Variants in CTNND2 observed in about 807,000 individuals in gnomAD.
CTNND2 encodes catenin delta-2.
A neutral mutation model predicts 144.4 loss-of-function variants in CTNND2; 22 were observed. The observed-to-expected ratio is 0.15, with a 90% CI of 0.11 to 0.22. The LOEUF (loss-of-function observed/expected upper bound fraction) is 0.22. Among genes scored for constraint, CTNND2 ranks in the 10% least tolerant of loss-of-function variants. CTNND2 has a pLI of 1.00. For synonymous variants in CTNND2, 751 were observed against 695.6 expected, an observed-to-expected ratio of 1.08 and a Z score of -1.25; for missense variants, 1,353 against 1,618.8, an observed-to-expected ratio of 0.84 and a Z score of 2.82.
chr5:11,788,294 ACAG>A (rs1268426253), intron 1 of CTNND2, among the ~76,000 whole-genome samples: 65 of 25,412 alleles, frequency 2.6e-3, no homozygotes, highest in African/African-American at 3.0e-3. Context: ...CTTGCACAAG[ACAG>A]TGTGCTAAGG....
At chr5:11,268,681 G>C (rs1745700802) in intron 9 of CTNND2, among the ~76,000 whole-genome samples, 2 of 152,058 alleles carry the variant, frequency 1.3e-5, no homozygotes, top group South Asian at 2.1e-4. Flanking sequence ...TGGTGTAATG[G>C]ATTAAAAAAT....
chr5:11,042,836 T>G (rs1300190639), intron 16 of CTNND2, among the ~76,000 whole-genome samples: 3 of 152,160 alleles, frequency 2.0e-5, no homozygotes, highest in Admixed American at 6.5e-5. Flanking sequence ...TTCATCTCTT[T>G]TCCTAACACA....
chr5:11,134,422 G>C, intron 12 of CTNND2, among the ~76,000 whole-genome samples: 1 of 152,178 alleles, frequency 6.6e-6, no homozygotes, highest in East Asian at 1.9e-4. Flanking sequence ...CAAGACCCCT[G>C]CATTTCTAGA....
At chr5:11,128,223 G>C (rs181861643) in intron 12 of CTNND2, among the ~76,000 whole-genome samples, 12 of 152,062 alleles carry the variant, frequency 7.9e-5, no homozygotes, top group African/African-American at 2.4e-4. Context: ...TTCAACATAT[G>C]GGGTAGCCAC....
At chr5:11,429,374 T>A (rs906036494) in intron 3 of CTNND2, among the ~76,000 whole-genome samples, 3 of 152,166 alleles carry the variant, frequency 2.0e-5, no homozygotes, top group Non-Finnish European at 4.4e-5. Context: ...AAAAGATAAA[T>A]CAGAACTCAT....
At chr5:11,219,676 T>C (rs1348797713) in intron 10 of CTNND2, among the ~76,000 whole-genome samples, 2 of 152,000 alleles carry the variant, frequency 1.3e-5, no homozygotes, top group Non-Finnish European at 2.9e-5. Context: ...GATGTTAGAG[T>C]CAGAGGTCAG....
At chr5:11,570,642 TTTC>T (rs1777487240) in intron 2 of CTNND2, among the ~76,000 whole-genome samples, 1 of 151,852 alleles carries the variant, frequency 6.6e-6, no homozygotes, top group Admixed American at 6.6e-5. Flanking sequence ...TCTTTTCTTT[TTTC>T]TTTTTTTTTT....
intron 2 of CTNND2, among the ~76,000 whole-genome samples, chr5:11,575,924 A>G (rs141149691): frequency 2.0e-5 from 3 of 152,134 alleles, no homozygotes; most frequent in Non-Finnish European, 4.4e-5. Flanking sequence ...GTGTTTATCC[A>G]CTGACATTCA....
At chr5:10,984,540 T>C (rs1012045395) in intron 20 of CTNND2, among the ~76,000 whole-genome samples, 11 of 152,206 alleles carry the variant, frequency 7.2e-5, no homozygotes, top group Non-Finnish European at 1.5e-4. Context: ...GCACAGTTTG[T>C]GGCTTCTGAG....
At chr5:11,142,139 C>G (rs1283319338) in intron 12 of CTNND2, among the ~76,000 whole-genome samples, 2 of 152,122 alleles carry the variant, frequency 1.3e-5, no homozygotes, top group African/African-American at 2.4e-5. Flanking sequence ...ATAAATTACC[C>G]AGACTGTGGT....
chr5:10,983,926 G>A (rs888594430), intron 20 of CTNND2, among the ~76,000 whole-genome samples: 10 of 151,994 alleles, frequency 6.6e-5, no homozygotes, highest in Admixed American at 2.0e-4. Flanking sequence ...CAGCTTTGCC[G>A]ACCCTCCTTC....
chr5:11,263,823 C>T (rs1745164506), intron 9 of CTNND2, among the ~76,000 whole-genome samples: 1 of 152,194 alleles, frequency 6.6e-6, no homozygotes. Context: ...TCTAAACACA[C>T]TCCAGTTTGT....
At chr5:11,162,080 TGG>T (rs149067296) in intron 11 of CTNND2, among the ~76,000 whole-genome samples, 5 of 147,116 alleles carry the variant, frequency 3.4e-5, no homozygotes, top group South Asian at 2.2e-4. Flanking sequence ...AACCTGGGAG[TGG>T]GGGGGGGTTG....
intron 15 of CTNND2, among the ~76,000 whole-genome samples, chr5:11,084,752 T>C (rs1371917347): frequency 6.6e-6 from 1 of 152,134 alleles, no homozygotes; most frequent in Non-Finnish European, 1.5e-5. Context: ...AGATCTCTTC[T>C]AATTCTTGAA....
chr5:11,348,623 T>C (rs1755039111), intron 8 of CTNND2, among the ~76,000 whole-genome samples: 1 of 151,960 alleles, frequency 6.6e-6, no homozygotes, highest in Non-Finnish European at 1.5e-5. Context: ...ATGATTAAAG[T>C]GTCAGAGATC....
intron 7 of CTNND2, among the ~76,000 whole-genome samples, chr5:11,369,610 G>T (rs1007675885): frequency 4.6e-5 from 7 of 152,224 alleles, no homozygotes; most frequent in Non-Finnish European, 1.0e-4. Context: ...TTCAACAAGT[G>T]CCTGGGAACC....
chr5:11,019,034 T>A (rs974687481), intron 17 of CTNND2, among the ~76,000 whole-genome samples: 4 of 152,092 alleles, frequency 2.6e-5, no homozygotes, highest in African/African-American at 9.7e-5. Context: ...GATGGCTTGG[T>A]GAGGTAAAAA....
At chr5:11,303,097 T>C (rs1749785075) in intron 9 of CTNND2, among the ~76,000 whole-genome samples, 1 of 152,206 alleles carries the variant, frequency 6.6e-6, no homozygotes, top group East Asian at 1.9e-4. Context: ...ACTGTGAACA[T>C]AATCAAGCCA....
chr5:11,430,202 C>T (rs113225701), intron 3 of CTNND2, among the ~76,000 whole-genome samples: 7,079 of 139,842 alleles, frequency 0.051, 585 homozygotes, highest in African/African-American at 0.18. Flanking sequence ...TGAGCTGAGA[C>T]TGCGCCACTG....
Sources: gnomAD v4.1 joint callset for allele counts (sites outside exome capture counted in the v4.1 genomes callset) on GRCh38, gnomAD v4.1.1 for gene constraint, MANE v1.5 for transcripts, NCBI Gene and HGNC (gene_info 2026-07-23, HGNC 2026-07-21) for gene names.